The following RTCB variants were observed in gnomAD, a reference collection of about 807,000 sequenced individuals.
RTCB encodes the protein RNA-splicing ligase RTCB.
A neutral mutation model predicts 58.2 loss-of-function variants in RTCB; 32 were observed. The ratio of observed to expected loss-of-function variants is 0.55; its 90% CI spans 0.41 to 0.74. The LOEUF (loss-of-function observed/expected upper bound fraction) is 0.74, where lower values mean the gene tolerates loss of function less well. RTCB is among the 30% of genes least tolerant of loss of function. The pLI is 0.00. For synonymous variants in RTCB, 247 were observed against 218.6 expected (o/e 1.13, Z -1.15); for missense variants, 523 against 639.0 (o/e 0.82, Z 1.96).
intron 10 of RTCB, 88 bp downstream of exon 10, chr22:32,393,804 T>A: frequency 1.1e-6 from 1 of 900,862 alleles, no homozygotes; most frequent in Admixed American, 1.8e-5. Flanking sequence ...ACTCTGTTAA[T>A]GTTCAATCAG....
intron 9 of RTCB, among the ~76,000 whole-genome samples, chr22:32,394,756 C>G (rs1933215338): frequency 6.6e-6 from 1 of 152,090 alleles, no homozygotes; most frequent in South Asian, 2.1e-4. Context: ...CTGAGTTACT[C>G]CTGTCTTCCA....
intron 1 of RTCB, among the ~76,000 whole-genome samples, chr22:32,411,154 G>A (rs1019266979): frequency 6.6e-6 from 1 of 152,192 alleles, no homozygotes; most frequent in African/African-American, 2.4e-5. Context: ...AACTCAGTAA[G>A]CTTTGATTCT....
chr22:32,405,510 GAGGTC>G (rs1417837584), intron 4 of RTCB, among the ~76,000 whole-genome samples: 1 of 152,154 alleles, frequency 6.6e-6, no homozygotes, highest in African/African-American at 2.4e-5. Flanking sequence ...ATGTATATTA[GAGGTC>G]ACGTGTCAAG....
chr22:32,408,952 G>T, intron 1 of RTCB, 119 bp from the exon 2 acceptor site: 1 of 717,854 alleles, frequency 1.4e-6, no homozygotes, highest in Non-Finnish European at 2.4e-6. Flanking sequence ...ACACTTTCAC[G>T]TTACCTTAAG....
chr22:32,394,230 G>A (rs998607896), intron 9 of RTCB, among the ~76,000 whole-genome samples: 2 of 151,610 alleles, frequency 1.3e-5, no homozygotes, highest in African/African-American at 4.8e-5. Flanking sequence ...TCTTGCCTCA[G>A]CCTCCCGAGT....
At chr22:32,394,114 C>CCT in intron 9 of RTCB, 112 bp from the exon 10 acceptor site, 1 of 514,642 alleles carries the variant, frequency 1.9e-6, no homozygotes, top group South Asian at 2.2e-5. Context: ...ACCCAGACTT[C>CCT]TTTTTTTTTT....
Position 32,404,464 on chromosome 22 carries a change from C to T in RTCB, c.340+2198G>A, listed in dbSNP as rs547722911. On this transcript the variant is annotated intron_variant, in intron 4 of 11. Coordinates refer to ENST00000216038, the MANE Select transcript of RTCB (RefSeq NM_014306.5). Reference sequence around the variant, plus strand: ...GAGATCATGCCAGACTAGAGTGCAGCGGTGTGATCATAGCTCACTGTAGCC... The same window carrying T: ...GAGATCATGCCAGACTAGAGTGCAGTGGTGTGATCATAGCTCACTGTAGCC... Among the ~76,000 whole-genome samples, 14 of 152,218 alleles carry T rather than the reference C, an allele frequency of 9.2e-5. No individual in the cohort carries two copies. The South Asian group carries it at 1.9e-3, about 20-fold the overall frequency.
chr22:32,407,299 T>C (rs1569443083), intron 3 of RTCB: 2 of 153,930 alleles, frequency 1.3e-5, no homozygotes, highest in Non-Finnish European at 2.9e-5. Flanking sequence ...CTTCCTTATA[T>C]ACACAAGCCA....
At chr22:32,401,645 T>C in intron 5 of RTCB, 102 bp downstream of exon 5, 1 of 1,288,438 alleles carries the variant, frequency 7.8e-7, no homozygotes, top group Non-Finnish European at 1.1e-6. Context: ...GAAAAGTAAC[T>C]GAACAATCCT....
intron 4 of RTCB, among the ~76,000 whole-genome samples, chr22:32,405,903 T>TA (rs1326051951): frequency 6.6e-6 from 1 of 152,176 alleles, no homozygotes; most frequent in Non-Finnish European, 1.5e-5. Flanking sequence ...GCAGAAGGCG[T>TA]ATGCAACCTT....
At chr22:32,409,813 A>C (rs1009238907) in intron 1 of RTCB, among the ~76,000 whole-genome samples, 2 of 117,702 alleles carry the variant, frequency 1.7e-5, no homozygotes, top group Non-Finnish European at 1.7e-5. Context: ...TACAGCTCTT[A>C]TATACTTTTG....
rs138395307 is a variant in RTCB, at chr22:32,389,900, C to T, written c.1411-1801G>A. Among the ~76,000 whole-genome samples the T allele has an allele frequency of 2.5e-4, 38 of 152,232 alleles. 1 individual carries two copies. In the South Asian group the frequency reaches 4.1e-3, roughly 17 times the overall value. ...CTCTGGCGCCCCCTACCTCTCTGAC[C>T]TCATCTCCCTCTGGCTTGCTCTTGT... is the stretch of plus-strand genomic sequence containing the variant. On this transcript the variant is annotated intron_variant, in intron 11 of 11. Transcript: ENST00000216038.
chr22:32,399,550 A>G, intron 6 of RTCB, 53 bp downstream of exon 6: 1 of 1,520,340 alleles, frequency 6.6e-7, no homozygotes, highest in Non-Finnish European at 8.9e-7. Flanking sequence ...TTCCCCCAAT[A>G]AAAACAAAAT....
chr22:32,406,745 G>A lies in RTCB; in HGVS notation c.257C>T (p.Pro86Leu). ...PGIVHRSIGL[P>L]DVHSGYGFAI... ...AAACCCATATCCTGAATGGACATCA[G>A]GAAGCCCAATAGATCGCTGAAAAAG... The change falls in exon 4 of 12, where the codon CCT (proline) becomes CTT (leucine). Residue 86 changes from proline (P) to leucine (L), a missense_variant. This residue lies in a region of RTCB where 134 missense variants were observed against 129.9 expected (regional missense o/e 1.03). Transcript: ENST00000216038. 6.2e-7 allele frequency: 1 copy of A among 1,611,698 alleles called. No homozygotes were observed. Among genetic ancestry groups the A allele is most frequent in the African/African-American group, 1.3e-5 (1 of 74,974 alleles).
At position 32,397,662 on chromosome 22, in the gene RTCB, A is replaced by G. The variant is rs184237886; in HGVS notation, c.814+279T>C. On this transcript the variant is annotated intron_variant, in intron 7 of 11. Transcript: ENST00000216038. ...GCCAGATAGTAACTCATAAGAGTAAACATAACAATAACTGCAACTAACATT... is the reference window on the plus strand; with the variant it reads ...GCCAGATAGTAACTCATAAGAGTAAGCATAACAATAACTGCAACTAACATT... Among the ~76,000 whole-genome samples, 14 of 152,368 alleles carry G rather than the reference A, an allele frequency of 9.2e-5. No individual in the cohort carries two copies. In the East Asian group the frequency reaches 1.9e-3, roughly 21 times the overall value.
chr22:32,393,343 C>A (rs567886244), intron 10 of RTCB, among the ~76,000 whole-genome samples: 13 of 152,272 alleles, frequency 8.5e-5, no homozygotes. Context: ...CATCTGGTCC[C>A]AAAAGCCTAA....
rs11545748 is a variant in RTCB, at chr22:32,397,993, C to A, written c.762G>T (p.Val254=). The part of the protein sequence containing the change: ...KKMGIDHKGQ[V]CVMIHSGSRG... ...TGCTTCCACTGTGGATCATCACACA[C>A]ACCTGTCCCTTATGGTCGATGCCCA... The change falls in exon 7 of 12, where the codon GTG becomes GTT. Residue 254 remains valine (V), a synonymous_variant. Transcript: ENST00000216038. The A allele has an allele frequency of 1.9e-6, 3 of 1,614,072 alleles. No individual in the cohort carries two copies. The African/African-American group carries it at 4.0e-5, about 22-fold the overall frequency.
At chr22:32,403,319 A>C (rs574030211) in intron 4 of RTCB, among the ~76,000 whole-genome samples, 103 of 152,206 alleles carry the variant, frequency 6.8e-4, no homozygotes, top group Middle Eastern at 3.4e-3. Context: ...AGGCAGGAGA[A>C]TGGCGTGAAC....
At chr22:32,397,143 CCTT>C (rs1287205658) in intron 7 of RTCB, among the ~76,000 whole-genome samples, 2 of 151,950 alleles carry the variant, frequency 1.3e-5, no homozygotes, top group African/African-American at 4.9e-5. Flanking sequence ...GCCCCTGACT[CCTT>C]CTTTAAAAGT....
Sources: allele counts gnomAD v4.1 joint callset (sites outside exome capture counted in the v4.1 genomes callset), GRCh38; gene constraint gnomAD v4.1.1; regional missense constraint gnomAD v4.1.1; transcripts MANE v1.5; gene names NCBI Gene and HGNC (gene_info 2026-07-23, HGNC 2026-07-21).